Variants in DCX observed in about 807,000 individuals in gnomAD.
DCX encodes the protein doublecortin.
Under a neutral mutation model 20.9 loss-of-function variants are expected in DCX, and 4 were observed. That is an observed-to-expected ratio of 0.19 (90% CI 0.09 to 0.44). The LOEUF is 0.44. DCX is among the 20% of genes least tolerant of loss of function. The pLI is 0.99. For synonymous variants in DCX, 103 were observed against 111.4 expected, an observed-to-expected ratio of 0.92 and a Z score of 0.47; for missense variants, 133 against 296.9, an observed-to-expected ratio of 0.45 and a Z score of 4.06.
At chrX:111,302,117 T>A (rs2095035568) in intron 6 of DCX, among the ~76,000 whole-genome samples, 1 of 111,284 alleles carries the variant, frequency 9.0e-6, no homozygotes, top group Admixed American at 9.5e-5. Flanking sequence ...CATCCAACCC[T>A]CCCCTCTTCC....
intron 6 of DCX, among the ~76,000 whole-genome samples, chrX:111,308,234 C>G (rs765122502): frequency 2.7e-5 from 3 of 111,881 alleles, no homozygotes; most frequent in Non-Finnish European, 5.6e-5. Flanking sequence ...ATGTTTGTAA[C>G]AAATACAGCT....
At chrX:111,335,246 T>C (rs1346039175) in intron 3 of DCX, among the ~76,000 whole-genome samples, 2 of 112,213 alleles carry the variant, frequency 1.8e-5, no homozygotes, top group South Asian at 3.7e-4. Context: ...TTTCAAGACC[T>C]GCCTGTATTT....
rs571208151 is a variant in DCX at position 111,362,659 on chromosome X, G to A, written c.706-29506C>T. Among the ~76,000 whole-genome samples, 7 of 111,645 alleles carry A rather than the reference G, an allele frequency of 6.3e-5. No individual in the cohort carries two copies. In the South Asian group the frequency reaches 2.3e-3, roughly 37 times the overall value. On this transcript the variant is annotated intron_variant, in intron 3 of 6. Transcript: ENST00000636035. ...GAAGGCACTGTTGGCAGATTCAGGG[G>A]ATGCCTGGGGCTAGAGACAGCCTTA...
chrX:111,410,609 T>C lies in DCX; in HGVS notation c.-22-189A>G, dbSNP rs1240196174. 13 of 843,854 alleles carry C rather than the reference T, an allele frequency of 1.5e-5. No individual in the cohort carries two copies. In the Admixed American group the frequency reaches 2.7e-4, roughly 17 times the overall value. 69.5% of individuals were successfully genotyped at this position (843,854 alleles called of 1,213,427 possible). On this transcript the variant is annotated intron_variant, in intron 1 of 6. Coordinates refer to ENST00000636035, the MANE Select transcript of DCX (RefSeq NM_001195553.2). ...CCCCTGACCTGCAGGAATATTGATC[T>C]TAATAGAGAAGAAGGAGGGGCTGGG...
chrX:111,370,858 T>A (rs769466700), intron 3 of DCX, among the ~76,000 whole-genome samples: 11 of 112,093 alleles, frequency 9.8e-5, no homozygotes, highest in African/African-American at 2.3e-4. Context: ...GCATCAGTAT[T>A]TTTTAAAAGC....
intron 3 of DCX, among the ~76,000 whole-genome samples, chrX:111,342,116 T>C (rs1003001573): frequency 1.0e-5 from 1 of 99,406 alleles, no homozygotes; most frequent in Non-Finnish European, 2.0e-5. Context: ...TGGTGTGCTA[T>C]ATTCAGGAGA....
rs200421978 is a variant in DCX at position 111,310,434 on chromosome X, TAGAG to T, written c.1044+2201_1044+2204del. Among the ~76,000 whole-genome samples the T allele has an allele frequency of 5.1e-3, 564 of 111,672 alleles. 1 individual carries two copies. The highest frequency in any genetic ancestry group is 0.016 in the South Asian group (44 of 2,700). On this transcript the variant is annotated intron_variant, in intron 6 of 6. Transcript: ENST00000636035. ...TTATTATGTCTACATATATTATACA[TAGAG>T]AGAGAGAACATAAAAAATAAGTAAA...
chrX:111,312,555 T>G, intron 6 of DCX, 84 bp downstream of exon 6: 1 of 1,005,024 alleles, frequency 1.0e-6, no homozygotes, highest in South Asian at 2.0e-5. Flanking sequence ...AATGTGCTGT[T>G]GAGTTAGAAT....
intron 3 of DCX, among the ~76,000 whole-genome samples, chrX:111,378,401 G>A (rs1034740271): frequency 3.6e-5 from 4 of 111,475 alleles, no homozygotes; most frequent in African/African-American, 1.3e-4. Flanking sequence ...GGTCTGGGGC[G>A]AGGCTCAGGA....
At chrX:111,318,835 C>T (rs531016548) in intron 5 of DCX, among the ~76,000 whole-genome samples, 2 of 111,122 alleles carry the variant, frequency 1.8e-5, no homozygotes, top group African/African-American at 3.3e-5. Flanking sequence ...AGAAAAGCTA[C>T]CTATCAGGTA....
intron 3 of DCX, among the ~76,000 whole-genome samples, chrX:111,348,808 A>T (rs1923058726): frequency 9.1e-6 from 1 of 109,337 alleles, no homozygotes; most frequent in South Asian, 4.0e-4. Flanking sequence ...TGTCTGCTAG[A>T]CACAAAGCAT....
chrX:111,350,106 A>G (rs1367871708), intron 3 of DCX, among the ~76,000 whole-genome samples: 1 of 111,593 alleles, frequency 9.0e-6, no homozygotes, highest in African/African-American at 3.3e-5. Context: ...GTGCCTGGAA[A>G]TAGATAGCCT....
intron 5 of DCX, among the ~76,000 whole-genome samples, chrX:111,325,022 T>G (rs1036235248): frequency 2.7e-5 from 3 of 111,720 alleles, no homozygotes; most frequent in African/African-American, 9.8e-5. Flanking sequence ...TGGGGAAGTT[T>G]TTCTCTTCCC....
At chrX:111,379,863 C>T (rs764691742) in intron 3 of DCX, among the ~76,000 whole-genome samples, 1 of 111,000 alleles carries the variant, frequency 9.0e-6, no homozygotes, top group South Asian at 3.8e-4. Context: ...CTTGCCAATG[C>T]TTATTATTCT....
chrX:111,326,006 G>A (rs1305013199), intron 5 of DCX, among the ~76,000 whole-genome samples: 2 of 111,080 alleles, frequency 1.8e-5, no homozygotes, highest in African/African-American at 6.5e-5. Flanking sequence ...AGAAAAGAAG[G>A]ACCCTGGGAT....
intron 3 of DCX, among the ~76,000 whole-genome samples, chrX:111,397,827 A>T (rs751010393): frequency 1.7e-4 from 19 of 110,464 alleles, no homozygotes; most frequent in African/African-American, 2.3e-4. Context: ...GTATATATAC[A>T]TACATATACA....
chrX:111,410,846 A>G, intron 1 of DCX: 1 of 1,211,475 alleles, frequency 8.3e-7, no homozygotes, highest in East Asian at 3.0e-5. Context: ...TAACAGTTGT[A>G]AATGAATCCA....
intron 3 of DCX, among the ~76,000 whole-genome samples, chrX:111,393,082 G>A (rs1199901109): frequency 1.8e-5 from 2 of 111,532 alleles, no homozygotes; most frequent in Non-Finnish European, 3.8e-5. Context: ...GTATTGTAGA[G>A]TAGAGTACTG....
At chrX:111,367,103 T>C (rs1476544744) in intron 3 of DCX, among the ~76,000 whole-genome samples, 2 of 112,147 alleles carry the variant, frequency 1.8e-5, no homozygotes, top group African/African-American at 6.5e-5. Flanking sequence ...CCAAAAATTC[T>C]CATCTGGTCC....
Sources: gnomAD v4.1 joint callset for allele counts (sites outside exome capture counted in the v4.1 genomes callset) on GRCh38, gnomAD v4.1.1 for gene constraint, MANE v1.5 for transcripts, NCBI Gene and HGNC (gene_info 2026-07-23, HGNC 2026-07-21) for gene names.